Variants in ZNF347 observed in about 807,000 individuals in gnomAD.
ZNF347 encodes the protein zinc finger protein 347.
A neutral mutation model predicts 12.9 loss-of-function variants in ZNF347; 19 were observed. The observed-to-expected ratio is 1.47, with a 90% CI of 1.03 to 2.16. The LOEUF (loss-of-function observed/expected upper bound fraction) is 2.16. Ranked by LOEUF, ZNF347 falls within the 30% of genes most tolerant of loss-of-function variation. The probability of loss-of-function intolerance (pLI) is 0.00; values close to 1 mark genes in which losing one functional copy is unlikely to be tolerated. For missense variants in ZNF347, 1,005 were observed against 990.6 expected (o/e 1.01, Z -0.19); for synonymous variants, 328 against 340.6 (o/e 0.96, Z 0.41).
At position 53,152,344 on chromosome 19, in the gene ZNF347, C is replaced by T. The variant is rs538160958; in HGVS notation, c.15+1389G>A. On this transcript the variant is annotated intron_variant, in intron 2 of 4. Coordinates refer to ENST00000334197, the MANE Select transcript of ZNF347 (RefSeq NM_032584.3). Reference sequence around the variant, plus strand: ...CTGAAGGGCCGGGCATGGTGGCTCACGCCTGTAATCCCAGCGTTTTGGGAG... The same window carrying T: ...CTGAAGGGCCGGGCATGGTGGCTCATGCCTGTAATCCCAGCGTTTTGGGAG... 7.8e-4 allele frequency among the ~76,000 whole-genome samples: 119 copies of T among 152,260 alleles called. 1 individual carries two copies. In the Middle Eastern group the frequency reaches 0.01, roughly 13 times the overall value.
intron 2 of ZNF347, among the ~76,000 whole-genome samples, chr19:53,151,167 C>G (rs953034666): frequency 1.3e-5 from 2 of 152,130 alleles, no homozygotes; most frequent in African/African-American, 4.8e-5. Context: ...AAGAAACTTG[C>G]GTCAAGACAA....
Position 53,149,237 on chromosome 19 carries a change from T to G in ZNF347, c.142+4A>C. Reference sequence around the variant, plus strand: ...CCTGACTTCTGGAAGAAAGTCATCCTCACCCAGGGAGGCCAGGTTCCTATA... The same window carrying G: ...CCTGACTTCTGGAAGAAAGTCATCCGCACCCAGGGAGGCCAGGTTCCTATA... On this transcript the variant is annotated splice_donor_region_variant and intron_variant, in intron 3 of 4. Transcript: ENST00000334197. 1 of 1,611,114 alleles carries G rather than the reference T, an allele frequency of 6.2e-7. No homozygotes were observed. The highest frequency in any genetic ancestry group is 8.5e-7 in the Non-Finnish European group (1 of 1,179,178).
Position 53,146,957 on chromosome 19 carries a change from T to G in ZNF347, c.271+1724A>C, listed in dbSNP as rs372797730. Among the ~76,000 whole-genome samples the G allele has an allele frequency of 2.3e-4, 35 of 152,184 alleles. 1 individual carries two copies. The highest frequency in any genetic ancestry group is 2.6e-4 in the Admixed American group (4 of 15,262). ...CACTTGAAGAAGAACTAATACTGGC[T>G]AGGCATGTTAGCTCACGCCTGTAAT... is the stretch of plus-strand genomic sequence containing the variant. On this transcript the variant is annotated intron_variant, in intron 4 of 4. Transcript: ENST00000334197.
intron 2 of ZNF347, among the ~76,000 whole-genome samples, chr19:53,152,384 A>T (rs2090504465): frequency 6.6e-6 from 1 of 151,884 alleles, no homozygotes; most frequent in African/African-American, 2.4e-5. Context: ...AGGTGGGCTG[A>T]TCACTTCAGG....
At chr19:53,154,888 C>T (rs1209805089) in intron 1 of ZNF347, among the ~76,000 whole-genome samples, 4 of 149,546 alleles carry the variant, frequency 2.7e-5, no homozygotes, top group South Asian at 2.1e-4. Context: ...TGCTCTTAAA[C>T]GGAGCATAGA....
intron 2 of ZNF347, among the ~76,000 whole-genome samples, chr19:53,150,942 G>A (rs978741038): frequency 2.0e-5 from 3 of 152,242 alleles, no homozygotes; most frequent in African/African-American, 7.2e-5. Flanking sequence ...GTTTCACCAT[G>A]TTGACCAGGC....
rs752559796 is a variant in ZNF347, at chr19:53,140,403, G to A, written c.2425C>T (p.Gln809Ter). ...FSICSSLTTH[Q>*]TIHTGGKPYK... ...GGTTTCCCACCAGTATGGATTGTCT[G>A]ATGGGTAGTTAGGCTTGAACAGATA... Residue 809 changes from glutamine (Q) to a stop codon, truncating the protein, a stop_gained, in exon 5 of 5, where the codon CAG becomes TAG. Coordinates refer to ENST00000334197, the MANE Select transcript of ZNF347 (RefSeq NM_032584.3). LOFTEE classifies it low-confidence loss of function (END_TRUNC). 29 of 1,613,488 alleles carry A rather than the reference G, an allele frequency of 1.8e-5. No homozygotes were observed. The South Asian group carries it at 3.0e-4, about 17-fold the overall frequency.
Position 53,140,444 on chromosome 19 carries a change from C to A in ZNF347, c.2384G>T (p.Cys795Phe), listed in dbSNP as rs141620710. The A allele has an allele frequency of 1.9e-6, 3 of 1,613,954 alleles. No homozygotes were observed. The highest frequency in any genetic ancestry group is 2.5e-6 in the Non-Finnish European group (3 of 1,179,984). The change falls in exon 5 of 5, where the codon TGT becomes TTT. Residue 795 changes from cysteine (C) to phenylalanine (F), a missense_variant. Physicochemically the swap from Cys to Phe is radical, Grantham distance 205. Transcript: ENST00000334197. ...RIHTGEKPYE[C>F]GKPFSICSSL... ...TGAACAGATACTAAAGGGTTTCCCA[C>A]ACTCATATGGTTTCTCTCCGGTATG...
At chr19:53,152,871 A>T (rs754154185) in intron 2 of ZNF347, among the ~76,000 whole-genome samples, 2 of 151,628 alleles carry the variant, frequency 1.3e-5, no homozygotes, top group Non-Finnish European at 2.9e-5. Context: ...CGGAGCTTGC[A>T]TTGGGCTGAG....
intron 3 of ZNF347, 26 bp from the exon 4 acceptor site, chr19:53,148,835 A>G (rs1356703366): frequency 2.5e-6 from 4 of 1,610,136 alleles, no homozygotes; most frequent in East Asian, 4.5e-5. Flanking sequence ...AAGGAAAACA[A>G]TGGGCTGTAG....
Position 53,140,923 on chromosome 19 carries a change from A to G in ZNF347, c.1905T>C (p.Ser635=), listed in dbSNP as rs758854776. The change falls in exon 5 of 5, where the codon AGT becomes AGC. Residue 635 remains serine (S), a synonymous_variant. Coordinates refer to ENST00000334197, the MANE Select transcript of ZNF347 (RefSeq NM_032584.3). Reference sequence around the variant, plus strand: ...GATGGGTAGTTAGGTTTGAATGTTCACTAAAGGCTTTGCCATACTCATTAT... The same window carrying G: ...GATGGGTAGTTAGGTTTGAATGTTCGCTAAAGGCTTTGCCATACTCATTAT... ...YKYNEYGKAF[S]EHSNLTTHQV... 2.5e-6 allele frequency: 4 copies of G among 1,612,104 alleles called. No individual in the cohort carries two copies. The highest frequency in any genetic ancestry group is 1.7e-4 in the Middle Eastern group (1 of 6,048).
rs952501685 is a variant in ZNF347 at position 53,139,608 on chromosome 19, G to A, written c.*700C>T. On this transcript the variant is annotated 3_prime_UTR_variant, in exon 5 of 5. Coordinates refer to ENST00000334197, the MANE Select transcript of ZNF347 (RefSeq NM_032584.3). ...CTTAAGTTTTACCATATTGGAACGT[G>A]TAATTATTGTGCAGTTTATCATTTT... 4 of 152,306 alleles carry A rather than the reference G, an allele frequency of 2.6e-5. No individual in the cohort carries two copies. Among genetic ancestry groups the A allele is most frequent in the African/African-American group, 9.6e-5 (4 of 41,564 alleles). 9.4% of individuals were successfully genotyped at this position (152,306 alleles called of 1,614,324 possible).
chr19:53,155,899 TCTTTTC>T lies in ZNF347; in HGVS notation c.-46-2112_-46-2107del, dbSNP rs560298332. Among the ~76,000 whole-genome samples the T allele has an allele frequency of 2.9e-3, 447 of 151,822 alleles. 1 individual carries two copies. The highest frequency in any genetic ancestry group is 0.024 in the Middle Eastern group (7 of 294). ...GACAGGTGGGTGGGCCACTTGGAGG[TCTTTTC>T]CTTTAGTCTTTGAGATAGGAAAAAA... On this transcript the variant is annotated intron_variant, in intron 1 of 4. Transcript: ENST00000334197.
intron 4 of ZNF347, among the ~76,000 whole-genome samples, chr19:53,147,114 C>T (rs1443940385): frequency 1.3e-5 from 2 of 152,120 alleles, no homozygotes; most frequent in Admixed American, 1.3e-4. Context: ...GTGGCTCACG[C>T]CTGTAATCCC....
intron 2 of ZNF347, among the ~76,000 whole-genome samples, chr19:53,150,168 G>C (rs979402092): frequency 6.6e-6 from 1 of 152,116 alleles, no homozygotes; most frequent in Non-Finnish European, 1.5e-5. Context: ...GTTGGATTGA[G>C]CCCTCAACCT....
chr19:53,143,690 G>C (rs541055050), intron 4 of ZNF347, among the ~76,000 whole-genome samples: 170 of 152,042 alleles, frequency 1.1e-3, no homozygotes, highest in African/African-American at 3.8e-3. Flanking sequence ...ATAAACATAC[G>C]TGTGCATGTG....
rs1168290448 is a variant in ZNF347, at chr19:53,140,401, C to A, written c.2427G>T (p.Gln809His). ...AAGGTTTCCCACCAGTATGGATTGT[C>A]TGATGGGTAGTTAGGCTTGAACAGA... is the stretch of plus-strand genomic sequence containing the variant. ...FSICSSLTTH[Q>H]TIHTGGKPYK... The change falls in exon 5 of 5, where the codon CAG (glutamine) becomes CAT (histidine). Residue 809 changes from glutamine to histidine, a missense_variant. Physicochemically the swap from Gln to His is conservative, Grantham distance 24 (BLOSUM62 0). Coordinates refer to ENST00000334197, the MANE Select transcript of ZNF347 (RefSeq NM_032584.3). 1 of 1,613,324 alleles carries A rather than the reference C, an allele frequency of 6.2e-7. No homozygotes were observed. Among genetic ancestry groups the A allele is most frequent in the Non-Finnish European group, 8.5e-7 (1 of 1,179,678 alleles).
In ZNF347 at chr19:53,135,323, T is replaced by G. The variant is rs866170745; in HGVS notation, c.*4985A>C. 102 of 52,548 alleles carry G rather than the reference T, an allele frequency of 1.9e-3. No individual in the cohort carries two copies. The highest frequency in any genetic ancestry group is 3.7e-3 in the East Asian group (5 of 1,348). 3.3% of individuals were successfully genotyped at this position (52,548 alleles called of 1,614,324 possible). On this transcript the variant is annotated 3_prime_UTR_variant, in exon 5 of 5. Coordinates refer to ENST00000334197, the MANE Select transcript of ZNF347 (RefSeq NM_032584.3). Reference sequence around the variant, plus strand: ...AAATATATATATATATATATATATATATATATATATATATATAGAGAGAGA... The same window carrying G: ...AAATATATATATATATATATATATAGATATATATATATATATAGAGAGAGA...
intron 2 of ZNF347, 67 bp from the exon 3 acceptor site, chr19:53,149,434 A>T: frequency 6.2e-7 from 1 of 1,605,808 alleles, no homozygotes; most frequent in Non-Finnish European, 8.5e-7. Flanking sequence ...TAAAATGAGA[A>T]GACAGAATAG....
Sources: allele counts gnomAD v4.1 joint callset (sites outside exome capture counted in the v4.1 genomes callset), GRCh38; gene constraint gnomAD v4.1.1; transcripts MANE v1.5; gene names NCBI Gene and HGNC (gene_info 2026-07-23, HGNC 2026-07-21).